Variants in GRM8 observed in about 807,000 individuals in gnomAD.
The protein encoded by GRM8 is metabotropic glutamate receptor 8.
In GRM8, 47 loss-of-function variants were observed where a neutral mutation model predicts 87.2. The ratio of observed to expected loss-of-function variants is 0.54; its 90% CI spans 0.43 to 0.69. GRM8 has a LOEUF of 0.69. Among genes scored for constraint, GRM8 ranks in the 30% least tolerant of loss-of-function variants. GRM8 has a pLI of 0.00. For synonymous variants in GRM8, 396 were observed against 404.5 expected, an observed-to-expected ratio of 0.98 and a Z score of 0.25; for missense variants, 1,019 against 1,139.2, an observed-to-expected ratio of 0.89 and a Z score of 1.52.
At chr7:126,835,135 A>G (rs983183353) in intron 6 of GRM8, among the ~76,000 whole-genome samples, 5 of 152,086 alleles carry the variant, frequency 3.3e-5, no homozygotes, top group African/African-American at 1.2e-4. Flanking sequence ...TATAACACTG[A>G]GAATTAAAAT....
intron 3 of GRM8, among the ~76,000 whole-genome samples, chr7:126,981,503 G>A (rs1586663123): frequency 6.6e-6 from 1 of 152,270 alleles, no homozygotes; most frequent in East Asian, 1.9e-4. Context: ...CGAGGAAGTT[G>A]AGCATGCTAA....
At chr7:126,915,997 C>T (rs1432418869) in intron 3 of GRM8, among the ~76,000 whole-genome samples, 4 of 152,118 alleles carry the variant, frequency 2.6e-5, no homozygotes, top group Non-Finnish European at 4.4e-5. Context: ...TTTGCCATTT[C>T]AAATTAGGTT....
At chr7:126,695,838 T>A (rs1809322700) in intron 7 of GRM8, among the ~76,000 whole-genome samples, 1 of 152,114 alleles carries the variant, frequency 6.6e-6, no homozygotes, top group South Asian at 2.1e-4. Flanking sequence ...GGGGGACACA[T>A]TAGCACAAAA....
At chr7:126,865,897 A>G (rs1244683362) in intron 6 of GRM8, among the ~76,000 whole-genome samples, 5 of 152,206 alleles carry the variant, frequency 3.3e-5, no homozygotes, top group Admixed American at 1.3e-4. Flanking sequence ...ATATTCATAT[A>G]CAAATTTTTG....
chr7:126,866,836 C>T (rs1245918581), intron 6 of GRM8, among the ~76,000 whole-genome samples: 3 of 151,968 alleles, frequency 2.0e-5, no homozygotes, highest in African/African-American at 7.3e-5. Flanking sequence ...ATGATCCACC[C>T]ACCTCGGCCT....
At chr7:127,047,493 T>G (rs1244666144) in intron 3 of GRM8, among the ~76,000 whole-genome samples, 2 of 152,146 alleles carry the variant, frequency 1.3e-5, no homozygotes, top group Non-Finnish European at 2.9e-5. Flanking sequence ...CCCCTTTCTT[T>G]TTCCCCTTCT....
intron 6 of GRM8, among the ~76,000 whole-genome samples, chr7:126,897,602 T>C (rs1232415958): frequency 6.6e-6 from 1 of 151,882 alleles, no homozygotes; most frequent in East Asian, 1.9e-4. Context: ...AGAGGTCAGA[T>C]AAAAGTCTAT....
chr7:126,689,359 G>A (rs2896375), intron 7 of GRM8, among the ~76,000 whole-genome samples: 1 of 152,114 alleles, frequency 6.6e-6, no homozygotes. Flanking sequence ...CTGTAAAAGA[G>A]GAATTATGCC....
At chr7:126,756,449 C>A (rs1349614537) in intron 7 of GRM8, among the ~76,000 whole-genome samples, 5 of 151,936 alleles carry the variant, frequency 3.3e-5, no homozygotes, top group African/African-American at 1.2e-4. Flanking sequence ...AACTTCTGCT[C>A]TAGAAAAGAT....
intron 2 of GRM8, among the ~76,000 whole-genome samples, chr7:127,193,607 G>C (rs888960022): frequency 6.6e-6 from 1 of 152,226 alleles, no homozygotes; most frequent in Admixed American, 6.5e-5. Flanking sequence ...GGCTTAAAGA[G>C]TGAGGTAGTA....
At chr7:126,477,585 A>AAGAAAGAAAG (rs1563051063) in intron 9 of GRM8, among the ~76,000 whole-genome samples, 8 of 56,686 alleles carry the variant, frequency 1.4e-4, no homozygotes, top group African/African-American at 8.0e-4. Context: ...GAAAGAGAGA[A>AAGAAAGAAAG]AGAAAGAAAG....
intron 7 of GRM8, among the ~76,000 whole-genome samples, chr7:126,631,620 C>A (rs1801272348): frequency 6.6e-6 from 1 of 152,020 alleles, no homozygotes; most frequent in Non-Finnish European, 1.5e-5. Context: ...CATCATGCAA[C>A]CTGACTTCAA....
chr7:127,182,906 G>C (rs973386039), intron 2 of GRM8, among the ~76,000 whole-genome samples: 1 of 151,616 alleles, frequency 6.6e-6, no homozygotes, highest in East Asian at 1.9e-4. Flanking sequence ...GGAAGAGTGG[G>C]AGGGGGACTA....
At chr7:126,475,534 T>C (rs147860622) in intron 9 of GRM8, among the ~76,000 whole-genome samples, 2 of 152,208 alleles carry the variant, frequency 1.3e-5, no homozygotes, top group East Asian at 1.9e-4. Flanking sequence ...AAAATTCTCA[T>C]ACTATCCAAC....
chr7:126,769,770 T>C, intron 7 of GRM8, 95 bp downstream of exon 7: 1 of 752,078 alleles, frequency 1.3e-6, no homozygotes, highest in Non-Finnish European at 2.3e-6. Flanking sequence ...TCTAATCCTG[T>C]GTTTTCCACT....
At chr7:126,795,569 C>T (rs1821862485) in intron 6 of GRM8, among the ~76,000 whole-genome samples, 1 of 152,082 alleles carries the variant, frequency 6.6e-6, no homozygotes, top group Admixed American at 6.6e-5. Flanking sequence ...CTTTTTGGAT[C>T]ACCAGAATTC....
chr7:126,686,619 C>CACA (rs1808223088), intron 7 of GRM8, among the ~76,000 whole-genome samples: 2 of 152,256 alleles, frequency 1.3e-5, no homozygotes, highest in African/African-American at 4.8e-5. Flanking sequence ...CTGCCTGCCC[C>CACA]GCAGCAGCAG....
At chr7:127,050,400 T>C (rs1453822458) in intron 3 of GRM8, among the ~76,000 whole-genome samples, 1 of 152,104 alleles carries the variant, frequency 6.6e-6, no homozygotes, top group Non-Finnish European at 1.5e-5. Flanking sequence ...ATTTCAAGTG[T>C]GTTTTAGAGG....
At chr7:126,440,064 T>G (rs1801281145) in intron 10 of GRM8, among the ~76,000 whole-genome samples, 1 of 151,760 alleles carries the variant, frequency 6.6e-6, no homozygotes, top group Non-Finnish European at 1.5e-5. Flanking sequence ...ATAGTATATA[T>G]TGAAAAAGGA....
Sources: gnomAD v4.1 joint callset for allele counts (sites outside exome capture counted in the v4.1 genomes callset) on GRCh38, gnomAD v4.1.1 for gene constraint, MANE v1.5 for transcripts, NCBI Gene and HGNC (gene_info 2026-07-23, HGNC 2026-07-21) for gene names.